Variants in ATG101 observed in about 807,000 individuals in gnomAD.
The protein encoded by ATG101 is autophagy related 101.
Under a neutral mutation model 16.7 loss-of-function variants are expected in ATG101, and 6 were observed. That is an observed-to-expected ratio of 0.36 (90% CI 0.20 to 0.71). The LOEUF is 0.71. Among genes scored for constraint, ATG101 ranks in the 30% least tolerant of loss-of-function variants. The pLI is 0.57. For synonymous variants in ATG101, 108 were observed against 118.1 expected, an observed-to-expected ratio of 0.91 and a Z score of 0.56; for missense variants, 200 against 292.5, an observed-to-expected ratio of 0.68 and a Z score of 2.31.
upstream of ATG101, among the ~76,000 whole-genome samples, chr12:52,067,788 G>T (rs542250761): frequency 4.6e-5 from 7 of 151,144 alleles, no homozygotes; most frequent in South Asian, 1.0e-3. Flanking sequence ...TAGAGACAGG[G>T]TTTCACCATG....
chr12:52,074,761 C>T (rs1939706430), intron 3 of ATG101, among the ~76,000 whole-genome samples: 1 of 152,120 alleles, frequency 6.6e-6, no homozygotes, highest in Non-Finnish European at 1.5e-5. Context: ...GAGTTCAAGA[C>T]CAGCCCTGGA....
chr12:52,076,773 C>T lies in ATG101; in HGVS notation c.253-13C>T. 1 of 1,608,920 alleles carries T rather than the reference C, an allele frequency of 6.2e-7. No homozygotes were observed. Among genetic ancestry groups the T allele is most frequent in the Non-Finnish European group, 8.5e-7 (1 of 1,176,062 alleles). ...AGAGGCCTTGGCTTGCTCATTCGTT[C>T]CCTTCTTCCCAGGATGCACTGCGCA... On this transcript the variant is annotated splice_polypyrimidine_tract_variant and intron_variant, in intron 3 of 3. Transcript: ENST00000336854.
upstream of ATG101, among the ~76,000 whole-genome samples, chr12:52,067,669 C>T (rs929468821): frequency 3.3e-5 from 5 of 151,832 alleles, no homozygotes; most frequent in African/African-American, 1.2e-4. Context: ...CTCACTGCAA[C>T]CTCTGCCTCC....
chr12:52,069,628 G>T (rs1433296963), upstream of ATG101: 3 of 152,208 alleles, frequency 2.0e-5, no homozygotes, highest in Non-Finnish European at 2.9e-5. Context: ...ACTCCGCTCG[G>T]CCTAGGGAGG....
chr12:52,074,317 G>T (rs1939700308), intron 3 of ATG101, among the ~76,000 whole-genome samples: 1 of 152,070 alleles, frequency 6.6e-6, no homozygotes, highest in African/African-American at 2.4e-5. Context: ...TCCAAGATGG[G>T]AGTGTCCCTT....
chr12:52,069,652 G>T (rs893163054), upstream of ATG101: 4 of 152,264 alleles, frequency 2.6e-5, no homozygotes, highest in African/African-American at 9.6e-5. Flanking sequence ...CCGAGAGCCC[G>T]TAGGGCTCCT....
At chr12:52,072,803 C>G (rs572298904) in intron 2 of ATG101, among the ~76,000 whole-genome samples, 26 of 151,518 alleles carry the variant, frequency 1.7e-4, no homozygotes, top group Admixed American at 3.9e-4. Context: ...GACAGGGTCT[C>G]GCTTTGTCAC....
upstream of ATG101, chr12:52,069,779 C>A (rs1044198598): frequency 6.6e-6 from 1 of 152,266 alleles, no homozygotes; most frequent in East Asian, 1.9e-4. Flanking sequence ...ACCATCAACT[C>A]TTAAAATCCG....
upstream of ATG101, among the ~76,000 whole-genome samples, chr12:52,067,826 C>G (rs1939563011): frequency 6.6e-6 from 1 of 151,150 alleles, no homozygotes; most frequent in African/African-American, 2.4e-5. Context: ...GAACTCATGA[C>G]CTCAAATGAT....
At chr12:52,069,024 A>AAAAAAAACC (rs1565659810), upstream of ATG101, among the ~76,000 whole-genome samples, 1 of 135,956 alleles carries the variant, frequency 7.4e-6, no homozygotes, top group East Asian at 2.1e-4. Flanking sequence ...AAAAAAAAAT[A>AAAAAAAACC]CTGCCTCCTA....
At chr12:52,072,142 C>CTTA (rs1393088202) in intron 2 of ATG101, among the ~76,000 whole-genome samples, 6 of 152,194 alleles carry the variant, frequency 3.9e-5, no homozygotes, top group Non-Finnish European at 8.8e-5. Context: ...GTGTTTTATA[C>CTTA]ATGCTAGCTC....
chr12:52,065,874 G>GGATT (rs1302668745), upstream of ATG101, among the ~76,000 whole-genome samples: 2 of 152,044 alleles, frequency 1.3e-5, no homozygotes, highest in African/African-American at 2.4e-5. Context: ...AGAAAGAGAG[G>GGATT]GATTGATTGA....
chr12:52,068,175 T>C (rs1273766376), upstream of ATG101, among the ~76,000 whole-genome samples: 1 of 151,512 alleles, frequency 6.6e-6, no homozygotes, highest in Non-Finnish European at 1.5e-5. Flanking sequence ...GCCTCCCAAG[T>C]AGCTGGGATT....
At chr12:52,068,210 CTTT>C (rs527347370), upstream of ATG101, among the ~76,000 whole-genome samples, 2 of 134,674 alleles carry the variant, frequency 1.5e-5, no homozygotes, top group African/African-American at 5.4e-5. Context: ...CCACACCTGG[CTTT>C]TTTTTTTTTT....
intron 2 of ATG101, among the ~76,000 whole-genome samples, chr12:52,072,534 C>T (rs1415269242): frequency 6.6e-6 from 1 of 152,152 alleles, no homozygotes. Flanking sequence ...GACTTCCGTG[C>T]CCAGCCTTTG....
At chr12:52,068,910 G>A (rs1187450829), upstream of ATG101, among the ~76,000 whole-genome samples, 1 of 143,158 alleles carries the variant, frequency 7.0e-6, no homozygotes, top group African/African-American at 2.6e-5. Flanking sequence ...AGAATGACGT[G>A]AACCCAGGAG....
intron 3 of ATG101, among the ~76,000 whole-genome samples, chr12:52,076,543 C>T (rs919402727): frequency 6.6e-6 from 1 of 152,206 alleles, no homozygotes; most frequent in Non-Finnish European, 1.5e-5. Context: ...CAGTTCTTCA[C>T]CAAGCTGGAG....
At chr12:52,066,782 G>A (rs1939553715), upstream of ATG101, among the ~76,000 whole-genome samples, 1 of 152,152 alleles carries the variant, frequency 6.6e-6, no homozygotes, top group Non-Finnish European at 1.5e-5. Flanking sequence ...CAGGCTAGTG[G>A]TCGCAAAGGG....
rs568422983 is a variant in ATG101, at chr12:52,071,770, G to A, written c.-77+1287G>A. Among the ~76,000 whole-genome samples the A allele has an allele frequency of 1.1e-4, 17 of 152,280 alleles. No homozygotes were observed. In the South Asian group the frequency reaches 3.5e-3, roughly 32 times the overall value. ...TGCAGTGAGTAGAGATTGTGTCACT[G>A]TATTGCAGCCTGGGTGATGGAGTGA... On this transcript the variant is annotated intron_variant, in intron 2 of 3. Coordinates refer to ENST00000336854, the MANE Select transcript of ATG101 (RefSeq NM_021934.5).
Sources: gnomAD v4.1 joint callset for allele counts (sites outside exome capture counted in the v4.1 genomes callset) on GRCh38, gnomAD v4.1.1 for gene constraint, MANE v1.5 for transcripts, NCBI Gene and HGNC (gene_info 2026-07-23, HGNC 2026-07-21) for gene names.